Variants in GNAQ observed in about 807,000 individuals in gnomAD.
GNAQ encodes G protein subunit alpha q.
In GNAQ, 8 loss-of-function variants were observed where a neutral mutation model predicts 43.9. The ratio of observed to expected loss-of-function variants is 0.18; its 90% CI spans 0.11 to 0.33. The LOEUF is 0.33. GNAQ is among the 10% of genes least tolerant of loss of function. The pLI, the probability that GNAQ is intolerant of heterozygous loss-of-function variation, is 1.00. For synonymous variants in GNAQ, 155 were observed against 170.7 expected (o/e 0.91, Z 0.71); for missense variants, 158 against 450.8 (o/e 0.35, Z 5.88).
intron 2 of GNAQ, among the ~76,000 whole-genome samples, chr9:77,877,892 C>T (rs1409272074): frequency 1.3e-5 from 2 of 152,152 alleles, no homozygotes; most frequent in African/African-American, 2.4e-5. Flanking sequence ...ACTCCCATTC[C>T]CGAATGCCCA....
At chr9:77,967,841 T>G (rs1293328242) in intron 1 of GNAQ, among the ~76,000 whole-genome samples, 1 of 152,058 alleles carries the variant, frequency 6.6e-6, no homozygotes, top group Non-Finnish European at 1.5e-5. Flanking sequence ...GAGCCGGGCA[T>G]GGTGGCACAT....
intron 1 of GNAQ, among the ~76,000 whole-genome samples, chr9:77,985,710 C>T (rs1039721152): frequency 4.9e-4 from 74 of 152,092 alleles, no homozygotes; most frequent in African/African-American, 1.7e-3. Context: ...CCTCAGCCTC[C>T]TGAGTAGCTG....
chr9:77,845,657 A>G (rs1421193742), intron 2 of GNAQ, among the ~76,000 whole-genome samples: 1 of 152,210 alleles, frequency 6.6e-6, no homozygotes, highest in Non-Finnish European at 1.5e-5. Flanking sequence ...TCTCTTTATA[A>G]TCAGAAAGAC....
chr9:78,010,770 C>A (rs576683364), intron 1 of GNAQ, among the ~76,000 whole-genome samples: 3 of 151,878 alleles, frequency 2.0e-5, no homozygotes, highest in Non-Finnish European at 4.4e-5. Flanking sequence ...CAAACAGAAG[C>A]GGCTGAGTCT....
rs548261857 is a variant in GNAQ at position 78,023,088 on chromosome 9, T to C, written c.136+8012A>G. 1.1e-4 allele frequency among the ~76,000 whole-genome samples: 17 copies of C among 152,350 alleles called. No individual in the cohort carries two copies. In the South Asian group the frequency reaches 1.7e-3, roughly 15 times the overall value. ...GATTCTGAAACCCACTGGTCCGTGA[T>C]AGATTATCCAGCACTGGCTCACTAA... On this transcript the variant is annotated intron_variant, in intron 1 of 6. Coordinates refer to ENST00000286548, the MANE Select transcript of GNAQ (RefSeq NM_002072.5).
intron 5 of GNAQ, among the ~76,000 whole-genome samples, chr9:77,788,082 TAAAC>T (rs1224569954): frequency 2.0e-5 from 3 of 152,020 alleles, no homozygotes; most frequent in Non-Finnish European, 2.9e-5. Context: ...TTCTGCAAAA[TAAAC>T]AAAATGAAAA....
At chr9:77,741,989 A>G (rs1383690538) in intron 5 of GNAQ, among the ~76,000 whole-genome samples, 2 of 152,156 alleles carry the variant, frequency 1.3e-5, no homozygotes, top group South Asian at 4.1e-4. Context: ...TACATATTGT[A>G]TATATTATCT....
chr9:77,820,592 G>A (rs972145761), intron 2 of GNAQ, among the ~76,000 whole-genome samples: 3 of 152,146 alleles, frequency 2.0e-5, no homozygotes, highest in Admixed American at 2.0e-4. Flanking sequence ...TCATGAAAAC[G>A]AAAGATCTTC....
chr9:77,965,497 A>T (rs1043406902), intron 1 of GNAQ, among the ~76,000 whole-genome samples: 7 of 152,180 alleles, frequency 4.6e-5, no homozygotes, highest in Non-Finnish European at 8.8e-5. Context: ...ATATTAATAC[A>T]CAAAAAAAAT....
intron 5 of GNAQ, among the ~76,000 whole-genome samples, chr9:77,784,596 A>G (rs953244116): frequency 5.3e-5 from 8 of 152,224 alleles, no homozygotes; most frequent in African/African-American, 1.9e-4. Context: ...GTTATACACT[A>G]CAATTGGGGG....
At chr9:78,026,898 T>C (rs1481532893) in intron 1 of GNAQ, among the ~76,000 whole-genome samples, 10 of 152,182 alleles carry the variant, frequency 6.6e-5, no homozygotes, top group Non-Finnish European at 1.2e-4. Flanking sequence ...CCTCACGTTA[T>C]TGTATAAGTC....
At chr9:77,725,023 C>G (rs965142256) in intron 6 of GNAQ, among the ~76,000 whole-genome samples, 1 of 151,878 alleles carries the variant, frequency 6.6e-6, no homozygotes, top group Non-Finnish European at 1.5e-5. Context: ...TTTCTGGCTT[C>G]TGAATGAACT....
intron 5 of GNAQ, among the ~76,000 whole-genome samples, chr9:77,769,661 ACT>A (rs1826189520): frequency 7.0e-6 from 1 of 142,064 alleles, no homozygotes; most frequent in Non-Finnish European, 1.5e-5. Context: ...AAAGACAAGA[ACT>A]CTTTTTTTTT....
intron 1 of GNAQ, among the ~76,000 whole-genome samples, chr9:78,028,028 G>C (rs1043055764): frequency 2.0e-5 from 3 of 152,112 alleles, no homozygotes; most frequent in African/African-American, 7.2e-5. Flanking sequence ...GGTTATCTAT[G>C]TACCACCAAC....
rs147359557 is a variant in GNAQ at position 77,996,652 on chromosome 9, C to T, written c.136+34448G>A. 2.3e-3 allele frequency among the ~76,000 whole-genome samples: 310 copies of T among 135,348 alleles called. 1 individual carries two copies. The highest frequency in any genetic ancestry group is 8.0e-3 in the African/African-American group (280 of 34,832). 88.8% of individuals were successfully genotyped at this position (135,348 alleles called of 152,430 possible). A position where few individuals can be genotyped will look rare whatever the true frequency, so the allele number is the denominator to read the frequency against. Reference sequence around the variant, plus strand: ...GAGATCGCGCCACTGCATTCCAGCCCGGACAACAGAGCGAGACTCCATCTC... The same window carrying T: ...GAGATCGCGCCACTGCATTCCAGCCTGGACAACAGAGCGAGACTCCATCTC... On this transcript the variant is annotated intron_variant, in intron 1 of 6. Coordinates refer to ENST00000286548, the MANE Select transcript of GNAQ (RefSeq NM_002072.5).
At chr9:77,803,491 C>G (rs1011507722) in intron 3 of GNAQ, among the ~76,000 whole-genome samples, 1 of 152,172 alleles carries the variant, frequency 6.6e-6, no homozygotes, top group Admixed American at 6.5e-5. Flanking sequence ...TGATGGTTTT[C>G]TGTGAAAAGT....
chr9:77,959,080 A>G (rs1241638425), intron 1 of GNAQ, among the ~76,000 whole-genome samples: 1 of 152,196 alleles, frequency 6.6e-6, no homozygotes, highest in Non-Finnish European at 1.5e-5. Context: ...GTATATAAAC[A>G]TCTCCATTAG....
intron 5 of GNAQ, among the ~76,000 whole-genome samples, chr9:77,739,957 C>A (rs962791741): frequency 6.6e-6 from 1 of 152,182 alleles, no homozygotes; most frequent in African/African-American, 2.4e-5. Context: ...AAGATTTGAT[C>A]TAGCTAATAA....
intron 1 of GNAQ, among the ~76,000 whole-genome samples, chr9:77,928,077 T>C (rs1829095090): frequency 6.6e-6 from 1 of 152,174 alleles, no homozygotes; most frequent in Admixed American, 6.5e-5. Context: ...AAGCACATCA[T>C]CAATCCACAC....
Sources: allele counts gnomAD v4.1 joint callset (sites outside exome capture counted in the v4.1 genomes callset), GRCh38; gene constraint gnomAD v4.1.1; transcripts MANE v1.5; gene names NCBI Gene and HGNC (gene_info 2026-07-23, HGNC 2026-07-21).